TMEM64: variants seen among roughly 807,000 people sequenced by gnomAD.
TMEM64 encodes the protein transmembrane protein 64.
Under a neutral mutation model 24.5 loss-of-function variants are expected in TMEM64, and 19 were observed. The observed-to-expected ratio is 0.78, with a 90% CI of 0.54 to 1.14. The LOEUF (loss-of-function observed/expected upper bound fraction) is 1.14. TMEM64 is among the 50% of genes most tolerant of loss of function. The pLI is 0.00. For missense variants in TMEM64, 487 were observed against 493.0 expected (o/e 0.99, Z 0.12); for synonymous variants, 262 against 224.7 (o/e 1.17, Z -1.49).
At chr8:90,641,251 A>C (rs1280785937) in intron 1 of TMEM64, among the ~76,000 whole-genome samples, 1 of 152,162 alleles carries the variant, frequency 6.6e-6, no homozygotes, top group Non-Finnish European at 1.5e-5. Context: ...TTTGGCTTAA[A>C]AGGAGACACA....
At chr8:90,631,741 C>A in intron 1 of TMEM64, 34 bp from the exon 2 acceptor site, 2 of 1,559,542 alleles carry the variant, frequency 1.3e-6, no homozygotes, top group Non-Finnish European at 8.8e-7. Context: ...TGATTCATTA[C>A]CAAGTAAAAT....
intron 1 of TMEM64, among the ~76,000 whole-genome samples, chr8:90,635,191 G>A (rs924981204): frequency 1.3e-5 from 2 of 152,060 alleles, no homozygotes; most frequent in African/African-American, 4.8e-5. Context: ...GAGCATTAAA[G>A]AATAAAGGAT....
chr8:90,627,873 G>A (rs1017813565), intron 2 of TMEM64, among the ~76,000 whole-genome samples: 1 of 151,970 alleles, frequency 6.6e-6, no homozygotes, highest in African/African-American at 2.4e-5. Flanking sequence ...ACTGTCAGGA[G>A]TCTTAGACTA....
In TMEM64 at chr8:90,631,555, T is replaced by TA; in HGVS notation, c.947dup (p.Leu316PhefsTer29). 6.3e-7 allele frequency: 1 copy of TA among 1,588,514 alleles called. No individual in the cohort carries two copies. The highest frequency in any genetic ancestry group is 8.6e-7 in the Non-Finnish European group (1 of 1,161,850). On this transcript the variant is annotated frameshift_variant, in exon 2 of 3. Coordinates refer to ENST00000458549, the MANE Select transcript of TMEM64 (RefSeq NM_001008495.4). LOFTEE classifies it high-confidence loss of function. ...CAACCCTTGGCCTTAAACTCACCTG[T>TA]AAACAAAAAACAAAATATCCACTAA...
At chr8:90,644,491 A>T (rs1809656405) in intron 1 of TMEM64, among the ~76,000 whole-genome samples, 1 of 152,256 alleles carries the variant, frequency 6.6e-6, no homozygotes, top group South Asian at 2.1e-4. Flanking sequence ...GCAAAAGATT[A>T]TCTGTTCTGT....
In TMEM64 at chr8:90,623,067, C is replaced by T. The variant is rs1235239352; in HGVS notation, c.*2604G>A. 1.3e-5 allele frequency: 2 copies of T among 151,932 alleles called. No homozygotes were observed. Among genetic ancestry groups the T allele is most frequent in the African/African-American group, 4.8e-5 (2 of 41,352 alleles). 9.4% of individuals were successfully genotyped at this position (151,932 alleles called of 1,614,324 possible). A position where few individuals can be genotyped will look rare whatever the true frequency, so the allele number is the denominator to read the frequency against. On this transcript the variant is annotated 3_prime_UTR_variant, in exon 3 of 3. Coordinates refer to ENST00000458549, the MANE Select transcript of TMEM64 (RefSeq NM_001008495.4). Reference sequence around the variant, plus strand: ...AAATTTGGCAAAGAGTAAACAAAATCATTAACAATAAACCAAAAAACATGT... The same window carrying T: ...AAATTTGGCAAAGAGTAAACAAAATTATTAACAATAAACCAAAAAACATGT...
At position 90,624,984 on chromosome 8, in the gene TMEM64, TA is replaced by T. The variant is rs1457186724; in HGVS notation, c.*686del. ...CAATTTTGAGCTACCATCCACCAAA[TA>T]ATTTCCCTTTTGCTTTGCATATTAC... On this transcript the variant is annotated 3_prime_UTR_variant, in exon 3 of 3. Coordinates refer to ENST00000458549, the MANE Select transcript of TMEM64 (RefSeq NM_001008495.4). 6.6e-6 allele frequency: 1 copy of T among 152,582 alleles called. No individual in the cohort carries two copies. Among genetic ancestry groups the T allele is most frequent in the Non-Finnish European group, 1.5e-5 (1 of 68,000 alleles). 9.5% of individuals were successfully genotyped at this position (152,582 alleles called of 1,614,324 possible).
intron 2 of TMEM64, among the ~76,000 whole-genome samples, chr8:90,627,973 A>C (rs1809382926): frequency 6.6e-6 from 1 of 152,196 alleles, no homozygotes; most frequent in Admixed American, 6.5e-5. Context: ...TGAGGGAAGG[A>C]AGTGGCAGGG....
chr8:90,632,417 G>A lies in TMEM64; in HGVS notation c.796-710C>T, dbSNP rs139787235. Among the ~76,000 whole-genome samples, 1,255 of 152,232 alleles carry A rather than the reference G, an allele frequency of 8.2e-3. 25 individuals carry two copies. Among genetic ancestry groups the A allele is most frequent in the African/African-American group, 0.029 (1,195 of 41,546 alleles). ...AGCTCACTGCAAGCTCCGCCTCCCC[G>A]GTTCATGCCATTCTCCTGCCTCAGT... On this transcript the variant is annotated intron_variant, in intron 1 of 2. Transcript: ENST00000458549.
At chr8:90,636,965 C>T (rs1430979724) in intron 1 of TMEM64, among the ~76,000 whole-genome samples, 7 of 152,158 alleles carry the variant, frequency 4.6e-5, no homozygotes. Context: ...TCTAGAAGCA[C>T]TATAAAATTA....
intron 1 of TMEM64, among the ~76,000 whole-genome samples, chr8:90,640,089 G>C (rs537892400): frequency 1.3e-5 from 2 of 152,178 alleles, no homozygotes; most frequent in Non-Finnish European, 2.9e-5. Context: ...GATGTGCACT[G>C]AGATGACATT....
Position 90,645,159 on chromosome 8 carries a change from C to A in TMEM64, c.747G>T (p.Leu249=), listed in dbSNP as rs756855360. ...EGGSGLKVVA[L]ARLTPIPFGL... ...CAAAAGGTATGGGTGTCAGTCTGGC[C>A]AGCGCCACCACTTTCAGGCCGCTTC... Residue 249 remains leucine (L), a synonymous_variant, in exon 1 of 3, where the codon CTG becomes CTT. Coordinates refer to ENST00000458549, the MANE Select transcript of TMEM64 (RefSeq NM_001008495.4). The surrounding 1 kb of genome is among the most constrained non-coding windows in gnomAD (Gnocchi z 4.2). The A allele has an allele frequency of 1.9e-6, 3 of 1,613,992 alleles. No individual in the cohort carries two copies. Among genetic ancestry groups the A allele is most frequent in the Non-Finnish European group, 2.5e-6 (3 of 1,179,906 alleles).
chr8:90,636,559 T>A (rs1809521806), intron 1 of TMEM64, among the ~76,000 whole-genome samples: 1 of 152,214 alleles, frequency 6.6e-6, no homozygotes, highest in Admixed American at 6.5e-5. Context: ...TGGTCTATTT[T>A]AATATGGCAT....
At position 90,646,076 on chromosome 8, in the gene TMEM64, C is replaced by T; in HGVS notation, c.-171G>A. 1 of 226,340 alleles carries T rather than the reference C, an allele frequency of 4.4e-6. No homozygotes were observed. The highest frequency in any genetic ancestry group is 8.1e-6 in the Non-Finnish European group (1 of 123,760). The allele number at this position is 226,340 out of a possible 1,614,324, so 14.0% of individuals were successfully genotyped here. On this transcript the variant is annotated 5_prime_UTR_variant, in exon 1 of 3. Transcript: ENST00000458549. ...AGTCAGCGGAGGAGCGACGGCCAGGCGGGGAGTGAGGAAACTCCTGCCCCA... is the reference window on the plus strand; with the variant it reads ...AGTCAGCGGAGGAGCGACGGCCAGGTGGGGAGTGAGGAAACTCCTGCCCCA...
rs1809692138 is a variant in TMEM64, at chr8:90,645,802, C to A, written c.104G>T (p.Arg35Leu). 3 of 1,027,230 alleles carry A rather than the reference C, an allele frequency of 2.9e-6. 1 individual carries two copies. Among genetic ancestry groups the A allele is most frequent in the East Asian group, 1.8e-4 (2 of 11,322 alleles). 63.6% of individuals were successfully genotyped at this position (1,027,230 alleles called of 1,614,324 possible). A position where few individuals can be genotyped will look rare whatever the true frequency, so the allele number is the denominator to read the frequency against. The change falls in exon 1 of 3, where the codon CGG becomes CTG. Residue 35 changes from arginine (R) to leucine (L), a missense_variant. Transcript: ENST00000458549. This position sits in a 1 kb window ranked among gnomAD's most constrained non-coding sequence, Gnocchi z 4.2. ...CGCCGGGCCGTCCCCGCCCGCACCC[C>A]GCGGCAGGGCCCAGCGGGCCGGCAG... ...AELPARWALP[R>L]GAGGDGPADR...
intron 2 of TMEM64, among the ~76,000 whole-genome samples, chr8:90,627,583 G>A (rs1390670581): frequency 1.3e-5 from 2 of 152,110 alleles, no homozygotes; most frequent in Non-Finnish European, 2.9e-5. Context: ...GGGGTCTGAA[G>A]CTATGGAAAG....
At position 90,645,747 on chromosome 8, in the gene TMEM64, G is replaced by C; in HGVS notation, c.159C>G (p.Ser53Arg). Residue 53 changes from serine (S) to arginine (R), a missense_variant, in exon 1 of 3, where the codon AGC (serine) becomes AGG (arginine). Ser to Arg is a moderately radical substitution (Grantham distance 110, BLOSUM62 -1). Coordinates refer to ENST00000458549, the MANE Select transcript of TMEM64 (RefSeq NM_001008495.4). The surrounding 1 kb of genome is among the most constrained non-coding windows in gnomAD (Gnocchi z 4.2). ...AGGCCGCCGCTGCTGCCGCCGCCGC[G>C]CTCGCCCCGCCCCCGCGGGGAAGGC... ...ADRLPRGGGA[S>R]AAAAAAAASG... The C allele has an allele frequency of 1.8e-6, 2 of 1,091,082 alleles. No homozygotes were observed. The highest frequency in any genetic ancestry group is 2.2e-6 in the Non-Finnish European group (2 of 900,788). The allele number at this position is 1,091,082 out of a possible 1,614,324, so 67.6% of individuals were successfully genotyped here. A position where few individuals can be genotyped will look rare whatever the true frequency, so the allele number is the denominator to read the frequency against.
chr8:90,639,823 AAAAC>A (rs1298698719), intron 1 of TMEM64, among the ~76,000 whole-genome samples: 1 of 152,238 alleles, frequency 6.6e-6, no homozygotes, highest in Non-Finnish European at 1.5e-5. Context: ...ACAGACAGAA[AAAAC>A]AAACATTGTT....
chr8:90,640,218 T>C (rs754152998), intron 1 of TMEM64, among the ~76,000 whole-genome samples: 57 of 152,316 alleles, frequency 3.7e-4, no homozygotes, highest in African/African-American at 1.3e-3. Flanking sequence ...ATCATTACAC[T>C]TTAATAGTAA....
Sources: gnomAD v4.1 joint callset for allele counts (sites outside exome capture counted in the v4.1 genomes callset) on GRCh38, gnomAD v4.1.1 for gene constraint, Gnocchi (gnomAD v3.1) non-coding constraint, MANE v1.5 for transcripts, NCBI Gene and HGNC (gene_info 2026-07-23, HGNC 2026-07-21) for gene names.